The following PIWIL2 variants were observed in gnomAD, a reference collection of about 807,000 sequenced individuals.
PIWIL2 encodes the protein piwi like RNA-mediated gene silencing 2.
Under a neutral mutation model 116.5 loss-of-function variants are expected in PIWIL2, and 81 were observed. The ratio of observed to expected loss-of-function variants is 0.70; its 90% confidence interval spans 0.58 to 0.84. PIWIL2 has a LOEUF of 0.84. Ranked by LOEUF, PIWIL2 falls within the 40% of genes least tolerant of loss-of-function variation. The probability of loss-of-function intolerance (pLI) is 0.00; values close to 1 mark genes in which losing one functional copy is unlikely to be tolerated. For synonymous variants in PIWIL2, 489 were observed against 429.5 expected (o/e 1.14, Z -1.71); for missense variants, 1,272 against 1,212.3 (o/e 1.05, Z -0.73).
intron 20 of PIWIL2, among the ~76,000 whole-genome samples, chr8:22,321,300 A>T (rs2132063546): frequency 6.6e-6 from 1 of 152,116 alleles, no homozygotes; most frequent in Non-Finnish European, 1.5e-5. Context: ...TTTAGTAGAA[A>T]TGAGGTGTTG....
rs184369552 is a variant in PIWIL2 at position 22,295,091 on chromosome 8, A to T, written c.1181+4745A>T. ...GAGACTTCGTCTGGGGGAAAAAAAA[A>T]ATATTTTTATTTTCTCCACAGTTAT... On this transcript the variant is annotated intron_variant, in intron 10 of 22. Coordinates refer to ENST00000356766, the MANE Select transcript of PIWIL2 (RefSeq NM_018068.5). Among the ~76,000 whole-genome samples the T allele has an allele frequency of 3.1e-3, 466 of 152,016 alleles. 4 individuals are homozygous for T. The highest frequency in any genetic ancestry group is 3.7e-3 in the Non-Finnish European group (253 of 67,984).
chr8:22,311,671 A>C (rs1290060842), intron 16 of PIWIL2, among the ~76,000 whole-genome samples: 4 of 152,220 alleles, frequency 2.6e-5, no homozygotes, highest in Non-Finnish European at 5.9e-5. Flanking sequence ...TTCAAGATTA[A>C]AATTACTCTG....
chr8:22,289,823 A>T, intron 8 of PIWIL2, 24 bp from the exon 9 acceptor site: 1 of 1,422,756 alleles, frequency 7.0e-7, no homozygotes, highest in Non-Finnish European at 9.9e-7. Flanking sequence ...CTATTAGAAA[A>T]CTCATACTTG....
chr8:22,289,914 C>G lies in PIWIL2; in HGVS notation c.1054C>G (p.Leu352Val). The G allele has an allele frequency of 1.2e-6, 2 of 1,607,370 alleles. No individual in the cohort carries two copies. The highest frequency in any genetic ancestry group is 1.7e-6 in the Non-Finnish European group (2 of 1,174,024). Residue 352 changes from leucine to valine, a missense_variant, in exon 9 of 23, where the codon CTA becomes GTA. By Grantham distance (32) the Leu-to-Val change is conservative. Coordinates refer to ENST00000356766, the MANE Select transcript of PIWIL2 (RefSeq NM_018068.5). ...NFYDPTSAMV[L>V]QQHRLQIWPG... ...TTATGACCCTACAAGTGCTATGGTACTACAGCAACACAGGTTGGTACTTTT... is the reference window on the plus strand; with the variant it reads ...TTATGACCCTACAAGTGCTATGGTAGTACAGCAACACAGGTTGGTACTTTT...
intron 2 of PIWIL2, among the ~76,000 whole-genome samples, chr8:22,280,777 GT>G (rs1270154375): frequency 6.6e-6 from 1 of 152,010 alleles, no homozygotes; most frequent in Non-Finnish European, 1.5e-5. Flanking sequence ...GAAAAGTTCT[GT>G]TGCATTTTGT....
chr8:22,288,841 T>C (rs550416297), intron 8 of PIWIL2, among the ~76,000 whole-genome samples, 175 bp downstream of exon 8: 5 of 152,352 alleles, frequency 3.3e-5, no homozygotes, highest in African/African-American at 1.2e-4. Context: ...ATCTCACAAG[T>C]GGTAGACCAG....
chr8:22,282,998 A>G, intron 4 of PIWIL2, 36 bp from the exon 5 acceptor site: 2 of 1,532,048 alleles, frequency 1.3e-6, no homozygotes, highest in South Asian at 1.1e-5. Context: ...TAGCTATTAT[A>G]AAAAACCCTG....
chr8:22,301,707 G>A (rs1050710112), intron 10 of PIWIL2, among the ~76,000 whole-genome samples: 2 of 148,068 alleles, frequency 1.4e-5, no homozygotes, highest in African/African-American at 2.4e-5. Context: ...TGCCTAACTC[G>A]AGGTCGCAAA....
chr8:22,287,738 T>C, intron 7 of PIWIL2, 93 bp downstream of exon 7: 1 of 811,766 alleles, frequency 1.2e-6, no homozygotes. Flanking sequence ...TGGGTCTTGC[T>C]ATGTTGCCCA....
chr8:22,353,171 T>A lies in PIWIL2; in HGVS notation c.2616T>A (p.Thr872=). Residue 872 remains threonine, a synonymous_variant, in exon 21 of 23, where the codon ACT becomes ACA. Coordinates refer to ENST00000356766, the MANE Select transcript of PIWIL2 (RefSeq NM_018068.5). ...LAAPQNFVTP[T]PGTVVDHTIT... ...CTCCTCAGAACTTTGTAACTCCCAC[T>A]CCTGGAACTGTGGTAGATCATACAA... 6.2e-7 allele frequency: 1 copy of A among 1,613,978 alleles called. No homozygotes were observed. Among genetic ancestry groups the A allele is most frequent in the Non-Finnish European group, 8.5e-7 (1 of 1,179,880 alleles).
At chr8:22,332,889 T>C (rs1298842411) in intron 20 of PIWIL2, among the ~76,000 whole-genome samples, 3 of 152,064 alleles carry the variant, frequency 2.0e-5, no homozygotes, top group Non-Finnish European at 4.4e-5. Context: ...TTAGAAATGG[T>C]TAAAGGAATA....
At chr8:22,342,388 C>T (rs569658114) in intron 20 of PIWIL2, among the ~76,000 whole-genome samples, 1 of 152,256 alleles carries the variant, frequency 6.6e-6, no homozygotes, top group African/African-American at 2.4e-5. Context: ...ACTGTAAAAA[C>T]TACGGTAATC....
intron 15 of PIWIL2, 133 bp from the exon 16 acceptor site, chr8:22,310,979 A>C: frequency 1.4e-6 from 1 of 735,726 alleles, no homozygotes; most frequent in South Asian, 1.9e-5. Context: ...CGTTCATGTT[A>C]ATACAGGAGT....
intron 20 of PIWIL2, among the ~76,000 whole-genome samples, chr8:22,351,319 T>TAA (rs1031866170): frequency 1.0e-3 from 141 of 137,424 alleles, no homozygotes; most frequent in African/African-American, 3.4e-3. Flanking sequence ...CCTCAATTCT[T>TAA]AAAAAAAAAA....
intron 2 of PIWIL2, 63 bp downstream of exon 2, chr8:22,279,647 T>C (rs1830456218): frequency 6.7e-7 from 1 of 1,483,780 alleles, no homozygotes; most frequent in Non-Finnish European, 9.4e-7. Context: ...TCAGAGGAAG[T>C]AATGGATTTC....
At chr8:22,325,591 C>T (rs1382561181) in intron 20 of PIWIL2, among the ~76,000 whole-genome samples, 2 of 139,458 alleles carry the variant, frequency 1.4e-5, no homozygotes, top group African/African-American at 5.3e-5. Flanking sequence ...TCAAGTGATT[C>T]TCCTGTCTCA....
At chr8:22,328,318 G>T (rs1338608494) in intron 20 of PIWIL2, among the ~76,000 whole-genome samples, 1 of 152,100 alleles carries the variant, frequency 6.6e-6, no homozygotes, top group Non-Finnish European at 1.5e-5. Flanking sequence ...GTAACACACT[G>T]TTTTGATTAT....
intron 5 of PIWIL2, among the ~76,000 whole-genome samples, chr8:22,283,943 A>G (rs1327257997): frequency 6.6e-6 from 1 of 152,190 alleles, no homozygotes; most frequent in African/African-American, 2.4e-5. Context: ...TAGGAAAGGT[A>G]GGGTGACCTT....
rs531494916 is a variant in PIWIL2 at position 22,308,613 on chromosome 8, A to G, written c.1686+540A>G. ...GGTTGCAGTGAGCCAAGATGGGGCC[A>G]CTGCACTCTAGCCTGGGAGACAGAG... is the stretch of plus-strand genomic sequence containing the variant. On this transcript the variant is annotated intron_variant, in intron 14 of 22. Coordinates refer to ENST00000356766, the MANE Select transcript of PIWIL2 (RefSeq NM_018068.5). Among the ~76,000 whole-genome samples the G allele has an allele frequency of 7.9e-5, 12 of 152,252 alleles. 1 individual carries two copies. The South Asian group carries it at 2.5e-3, about 32-fold the overall frequency.
Sources: allele counts gnomAD v4.1 joint callset (sites outside exome capture counted in the v4.1 genomes callset), GRCh38; gene constraint gnomAD v4.1.1; transcripts MANE v1.5; gene names NCBI Gene and HGNC (gene_info 2026-07-23, HGNC 2026-07-21).